PCSK2: variants seen among roughly 807,000 people sequenced by gnomAD.
PCSK2 encodes neuroendocrine convertase 2.
In PCSK2, 14 loss-of-function variants were observed where a neutral mutation model predicts 69.7. The ratio of observed to expected loss-of-function variants is 0.20; its 90% CI spans 0.13 to 0.31. The LOEUF (loss-of-function observed/expected upper bound fraction) is 0.31, where lower values mean the gene tolerates loss of function less well. Ranked by LOEUF, PCSK2 falls within the 10% of genes least tolerant of loss-of-function variation. PCSK2 has a pLI of 1.00. For synonymous variants in PCSK2, 307 were observed against 320.7 expected (o/e 0.96, Z 0.46); for missense variants, 544 against 842.5 (o/e 0.65, Z 4.39).
At chr20:17,330,195 G>A (rs1175084045) in intron 2 of PCSK2, among the ~76,000 whole-genome samples, 1 of 152,194 alleles carries the variant, frequency 6.6e-6, no homozygotes, top group Non-Finnish European at 1.5e-5. Context: ...AGACTGCCAA[G>A]TTTCAAGTAC....
chr20:17,325,309 C>A (rs1228922259), intron 2 of PCSK2, among the ~76,000 whole-genome samples: 1 of 152,060 alleles, frequency 6.6e-6, no homozygotes, highest in Non-Finnish European at 1.5e-5. Context: ...CATTTATAAG[C>A]AGCTCAATTT....
intron 2 of PCSK2, among the ~76,000 whole-genome samples, chr20:17,275,120 G>A (rs1259928614): frequency 7.1e-6 from 1 of 140,590 alleles, no homozygotes; most frequent in Non-Finnish European, 1.5e-5. Context: ...TATAATGTTG[G>A]GCGACTAATG....
At chr20:17,289,892 A>G (rs1988640960) in intron 2 of PCSK2, among the ~76,000 whole-genome samples, 2 of 152,252 alleles carry the variant, frequency 1.3e-5, no homozygotes, top group Non-Finnish European at 1.5e-5. Context: ...GATTCAAAAA[A>G]CAGTGTCAAA....
chr20:17,282,631 A>G (rs996796547), intron 2 of PCSK2, among the ~76,000 whole-genome samples: 1 of 152,046 alleles, frequency 6.6e-6, no homozygotes, highest in Non-Finnish European at 1.5e-5. Flanking sequence ...GGCCTAAAAA[A>G]CAGCCACATT....
chr20:17,319,182 G>A lies in PCSK2; in HGVS notation c.283-39145G>A, dbSNP rs147911650. Among the ~76,000 whole-genome samples the A allele has an allele frequency of 9.2e-3, 1,396 of 152,058 alleles. 22 individuals carry two copies. The highest frequency in any genetic ancestry group is 0.032 in the African/African-American group (1,315 of 41,488). On this transcript the variant is annotated intron_variant, in intron 2 of 11. Coordinates refer to ENST00000262545, the MANE Select transcript of PCSK2 (RefSeq NM_002594.5). Reference sequence around the variant, plus strand: ...CCATTTTAAATAGTTACCAAGCTACGCCCCGATAAGATAAAGACAAAAAAG... The same window carrying A: ...CCATTTTAAATAGTTACCAAGCTACACCCCGATAAGATAAAGACAAAAAAG...
intron 6 of PCSK2, among the ~76,000 whole-genome samples, chr20:17,417,203 A>T (rs2032018821): frequency 6.6e-6 from 1 of 152,172 alleles, no homozygotes; most frequent in African/African-American, 2.4e-5. Flanking sequence ...AACTAAAAAC[A>T]CTAAGGAAAT....
At chr20:17,431,497 C>T (rs896581886) in intron 7 of PCSK2, among the ~76,000 whole-genome samples, 1 of 152,180 alleles carries the variant, frequency 6.6e-6, no homozygotes, top group African/African-American at 2.4e-5. Flanking sequence ...TCTGTGAAGC[C>T]CAATGACAGC....
intron 5 of PCSK2, among the ~76,000 whole-genome samples, chr20:17,405,291 CG>C (rs1377594469): frequency 6.6e-6 from 1 of 152,162 alleles, no homozygotes; most frequent in Non-Finnish European, 1.5e-5. Context: ...TACCTGCAGA[CG>C]TATTTGTCTA....
intron 1 of PCSK2, among the ~76,000 whole-genome samples, chr20:17,253,029 G>A (rs1987046762): frequency 6.6e-6 from 1 of 151,982 alleles, no homozygotes; most frequent in African/African-American, 2.4e-5. Context: ...GGTGAATCTT[G>A]GAATATACAA....
At chr20:17,228,526 G>C (rs1052161323) in intron 1 of PCSK2, among the ~76,000 whole-genome samples, 1 of 152,168 alleles carries the variant, frequency 6.6e-6, no homozygotes, top group Non-Finnish European at 1.5e-5. Flanking sequence ...CCAAAGGACA[G>C]AGATGTGGCT....
At chr20:17,461,164 C>G (rs1446132812) in intron 10 of PCSK2, among the ~76,000 whole-genome samples, 1 of 152,138 alleles carries the variant, frequency 6.6e-6, no homozygotes, top group Non-Finnish European at 1.5e-5. Flanking sequence ...GTTTCACTTT[C>G]TTTGAGATGA....
chr20:17,368,248 T>C (rs2030656567), intron 4 of PCSK2, among the ~76,000 whole-genome samples: 1 of 152,192 alleles, frequency 6.6e-6, no homozygotes, highest in South Asian at 2.1e-4. Flanking sequence ...AGTTATTAAA[T>C]GCACCAGCTG....
At chr20:17,354,536 C>T (rs1264643709) in intron 2 of PCSK2, among the ~76,000 whole-genome samples, 1 of 152,140 alleles carries the variant, frequency 6.6e-6, no homozygotes, top group Non-Finnish European at 1.5e-5. Flanking sequence ...ACACTGCAGT[C>T]TTTCCCAGAG....
At chr20:17,260,095 C>A in intron 1 of PCSK2, 145 bp from the exon 2 acceptor site, 3 of 653,312 alleles carry the variant, frequency 4.6e-6, no homozygotes, top group Non-Finnish European at 8.2e-6. Flanking sequence ...AATAGAGGAC[C>A]AGGACTGACA....
chr20:17,376,536 TG>T (rs2030933098), intron 5 of PCSK2, among the ~76,000 whole-genome samples: 1 of 152,166 alleles, frequency 6.6e-6, no homozygotes, highest in African/African-American at 2.4e-5. Context: ...CCTCATAGTG[TG>T]TATTTCTTTT....
intron 2 of PCSK2, among the ~76,000 whole-genome samples, chr20:17,312,418 A>G (rs1219808910): frequency 1.3e-5 from 2 of 152,128 alleles, no homozygotes; most frequent in African/African-American, 4.8e-5. Flanking sequence ...TACTTCCAAA[A>G]CCATTAACTC....
At chr20:17,287,431 C>CTGTCTGTG (rs373403452) in intron 2 of PCSK2, among the ~76,000 whole-genome samples, 51 of 146,028 alleles carry the variant, frequency 3.5e-4, no homozygotes, top group African/African-American at 1.3e-3. Flanking sequence ...ATGTGCGTGT[C>CTGTCTGTG]TGTGTGTGTG....
At chr20:17,230,563 A>G (rs1568562624) in intron 1 of PCSK2, among the ~76,000 whole-genome samples, 1 of 152,184 alleles carries the variant, frequency 6.6e-6, no homozygotes, top group Admixed American at 6.5e-5. Context: ...TTGAGACACA[A>G]TTTTAGAGCT....
At chr20:17,418,253 T>TA (rs2032045544) in intron 6 of PCSK2, among the ~76,000 whole-genome samples, 1 of 152,236 alleles carries the variant, frequency 6.6e-6, no homozygotes, top group Non-Finnish European at 1.5e-5. Context: ...ACAGAGAGGT[T>TA]AAGTTACTTG....
Sources: gnomAD v4.1 joint callset for allele counts (sites outside exome capture counted in the v4.1 genomes callset) on GRCh38, gnomAD v4.1.1 for gene constraint, MANE v1.5 for transcripts, NCBI Gene and HGNC (gene_info 2026-07-23, HGNC 2026-07-21) for gene names.